TTC27: variants seen among roughly 807,000 people sequenced by gnomAD.
TTC27 encodes the protein tetratricopeptide repeat protein 27.
TTC27 carries 79 observed loss-of-function variants against 115.9 expected under a neutral mutation model. The observed-to-expected ratio is 0.68, with a 90% CI of 0.57 to 0.82. The LOEUF is 0.82. Among genes scored for constraint, TTC27 ranks in the 40% least tolerant of loss-of-function variants. The pLI is 0.00. For missense variants in TTC27, 1,054 were observed against 993.1 expected, an observed-to-expected ratio of 1.06 and a Z score of -0.82; for synonymous variants, 401 against 356.0, an observed-to-expected ratio of 1.13 and a Z score of -1.42.
chr2:32,743,275 A>G (rs1313779101), intron 12 of TTC27, among the ~76,000 whole-genome samples: 2 of 152,186 alleles, frequency 1.3e-5, no homozygotes, highest in African/African-American at 4.8e-5. Flanking sequence ...GGCACAGATC[A>G]CAGCCAAAAA....
At chr2:32,749,482 C>G (rs1186894762) in intron 12 of TTC27, among the ~76,000 whole-genome samples, 1 of 152,228 alleles carries the variant, frequency 6.6e-6, no homozygotes, top group Non-Finnish European at 1.5e-5. Flanking sequence ...GCTTGCTCTT[C>G]TTACCAAGAT....
intron 5 of TTC27, 120 bp downstream of exon 5, chr2:32,650,353 CTTTTTTTTTTTT>C (rs368973893): frequency 4.7e-6 from 1 of 211,086 alleles, no homozygotes; most frequent in East Asian, 7.9e-5. Flanking sequence ...TGAGTTGTTT[CTTTTTTTTTTTT>C]TTTTTTTTTG....
chr2:32,789,155 A>C (rs1670446504), intron 16 of TTC27, among the ~76,000 whole-genome samples: 1 of 152,238 alleles, frequency 6.6e-6, no homozygotes, highest in African/African-American at 2.4e-5. Context: ...TTACTTGTAC[A>C]TCATAGAGTT....
intron 12 of TTC27, among the ~76,000 whole-genome samples, chr2:32,755,520 C>T (rs1040156937): frequency 6.6e-6 from 1 of 152,068 alleles, no homozygotes; most frequent in African/African-American, 2.4e-5. Flanking sequence ...TGCAGTGAGC[C>T]GAGATGGCAG....
chr2:32,657,563 T>C (rs1285032606), intron 5 of TTC27, among the ~76,000 whole-genome samples: 3 of 151,938 alleles, frequency 2.0e-5, no homozygotes, highest in African/African-American at 7.3e-5. Flanking sequence ...CGAAACACTT[T>C]CTTTTTCAGA....
intron 16 of TTC27, among the ~76,000 whole-genome samples, chr2:32,808,428 G>A (rs1237878081): frequency 2.0e-5 from 3 of 152,118 alleles, no homozygotes; most frequent in Non-Finnish European, 2.9e-5. Flanking sequence ...GATGGGGAGC[G>A]TGAAACAAAT....
chr2:32,639,924 G>T (rs1027757701), intron 3 of TTC27, among the ~76,000 whole-genome samples: 1 of 152,084 alleles, frequency 6.6e-6, no homozygotes, highest in Admixed American at 6.6e-5. Context: ...ACTTGAGCCC[G>T]GGAGATGGAA....
intron 9 of TTC27, among the ~76,000 whole-genome samples, chr2:32,695,810 C>T (rs1477458152): frequency 1.3e-5 from 2 of 149,166 alleles, no homozygotes; most frequent in African/African-American, 2.5e-5. Flanking sequence ...GCAGGACCAT[C>T]GCTTGAACCC....
chr2:32,784,797 A>G (rs2148019515), intron 15 of TTC27, among the ~76,000 whole-genome samples: 1 of 152,286 alleles, frequency 6.6e-6, no homozygotes, highest in East Asian at 1.9e-4. Context: ...TTACTTGTTG[A>G]GTTCACCCCC....
chr2:32,750,612 G>A (rs1337457659), intron 12 of TTC27, among the ~76,000 whole-genome samples: 1 of 152,158 alleles, frequency 6.6e-6, no homozygotes, highest in Non-Finnish European at 1.5e-5. Context: ...GTACTAGCAG[G>A]TACAGATTAT....
intron 3 of TTC27, among the ~76,000 whole-genome samples, chr2:32,636,770 A>G (rs1664444665): frequency 6.6e-6 from 1 of 152,212 alleles, no homozygotes; most frequent in African/African-American, 2.4e-5. Context: ...GCCATTAACA[A>G]AGAGATTTGT....
At chr2:32,669,635 A>G (rs1226109234) in intron 7 of TTC27, among the ~76,000 whole-genome samples, 2 of 152,166 alleles carry the variant, frequency 1.3e-5, no homozygotes, top group Non-Finnish European at 2.9e-5. Context: ...CTGTAGTCCC[A>G]GCACTTTGGG....
chr2:32,744,693 T>A (rs1163180139), intron 12 of TTC27, among the ~76,000 whole-genome samples: 1 of 152,138 alleles, frequency 6.6e-6, no homozygotes, highest in Non-Finnish European at 1.5e-5. Context: ...AAATGTTAGT[T>A]TAGCTTGTTC....
chr2:32,679,023 C>G, intron 9 of TTC27, 101 bp downstream of exon 9: 1 of 971,874 alleles, frequency 1.0e-6, no homozygotes, highest in Non-Finnish European at 1.6e-6. Context: ...ACACTGCCAC[C>G]TAAGGAAATA....
intron 8 of TTC27, among the ~76,000 whole-genome samples, chr2:32,675,756 T>A (rs1054424377): frequency 1.3e-5 from 2 of 152,096 alleles, no homozygotes; most frequent in Admixed American, 6.6e-5. Context: ...CTGGGTTGGT[T>A]TGGAAAGGAG....
intron 5 of TTC27, among the ~76,000 whole-genome samples, chr2:32,662,920 A>G (rs72858154): frequency 2.0e-4 from 30 of 152,154 alleles, no homozygotes; most frequent in Admixed American, 1.8e-3. Flanking sequence ...ATTTAGTGTT[A>G]TAAATTTCTC....
At chr2:32,783,408 A>G (rs1670246649) in intron 15 of TTC27, among the ~76,000 whole-genome samples, 1 of 152,216 alleles carries the variant, frequency 6.6e-6, no homozygotes, top group African/African-American at 2.4e-5. Context: ...TGAATGTAGT[A>G]TTTTAGGAGA....
intron 5 of TTC27, among the ~76,000 whole-genome samples, chr2:32,660,829 A>G (rs1289995255): frequency 6.6e-6 from 1 of 152,164 alleles, no homozygotes; most frequent in South Asian, 2.1e-4. Context: ...TGTTTTAGAC[A>G]TGAAGTCTTT....
chr2:32,648,598 G>A (rs540976819), intron 4 of TTC27, among the ~76,000 whole-genome samples: 6 of 151,902 alleles, frequency 3.9e-5, no homozygotes, highest in African/African-American at 1.4e-4. Flanking sequence ...TTGGCTTGTT[G>A]TTCCTTGTTT....
Sources: gnomAD v4.1 joint callset for allele counts (sites outside exome capture counted in the v4.1 genomes callset) on GRCh38, gnomAD v4.1.1 for gene constraint, MANE v1.5 for transcripts, NCBI Gene and HGNC (gene_info 2026-07-23, HGNC 2026-07-21) for gene names.